ARSJ: variants seen among roughly 807,000 people sequenced by gnomAD.
The protein encoded by ARSJ is arylsulfatase J.
In ARSJ, 26 loss-of-function variants were observed where a neutral mutation model predicts 35.9. The ratio of observed to expected loss-of-function variants is 0.72; its 90% CI spans 0.53 to 1.00. The LOEUF (loss-of-function observed/expected upper bound fraction) is 1.00, where lower values mean the gene tolerates loss of function less well. ARSJ is among the 50% of genes least tolerant of loss of function. The probability of loss-of-function intolerance (pLI) is 0.00; values close to 1 mark genes in which losing one functional copy is unlikely to be tolerated. For synonymous variants in ARSJ, 294 were observed against 267.6 expected (o/e 1.10, Z -0.96); for missense variants, 667 against 723.6 (o/e 0.92, Z 0.90).
intron 1 of ARSJ, among the ~76,000 whole-genome samples, chr4:113,906,312 CAACAGGAAAAGAGGCTTATG>C (rs2099668726): frequency 6.6e-6 from 1 of 151,914 alleles, no homozygotes; most frequent in Non-Finnish European, 1.5e-5. Context: ...TTGGCAAAGG[CAACAGGAAAAGAGGCTTATG>C]AAAAACATAA....
At chr4:113,919,835 G>T (rs1723552794) in intron 1 of ARSJ, among the ~76,000 whole-genome samples, 1 of 152,170 alleles carries the variant, frequency 6.6e-6, no homozygotes, top group Non-Finnish European at 1.5e-5. Flanking sequence ...CCTGAAAGAT[G>T]CGTAAATGCA....
At chr4:113,966,239 G>C (rs1309140405) in intron 1 of ARSJ, among the ~76,000 whole-genome samples, 2 of 152,008 alleles carry the variant, frequency 1.3e-5, no homozygotes, top group Non-Finnish European at 2.9e-5. Flanking sequence ...TTTTTGCTAG[G>C]TAGAAGTGCA....
chr4:113,969,990 A>T (rs1466561632), intron 1 of ARSJ, among the ~76,000 whole-genome samples: 2 of 152,206 alleles, frequency 1.3e-5, no homozygotes, highest in South Asian at 2.1e-4. Context: ...TACAGAAAGG[A>T]GTAAGAAAGC....
At chr4:113,961,252 T>C (rs1278726099) in intron 1 of ARSJ, among the ~76,000 whole-genome samples, 1 of 152,070 alleles carries the variant, frequency 6.6e-6, no homozygotes, top group Non-Finnish European at 1.5e-5. Context: ...AGATTTAAAA[T>C]AAAGGGGCTT....
intron 1 of ARSJ, among the ~76,000 whole-genome samples, chr4:113,963,315 G>C (rs1218093711): frequency 2.0e-5 from 3 of 152,042 alleles, no homozygotes; most frequent in African/African-American, 7.2e-5. Flanking sequence ...AGTTTATAAA[G>C]GAAAGAGGTT....
At chr4:113,938,499 A>C (rs1724914476) in intron 1 of ARSJ, among the ~76,000 whole-genome samples, 1 of 152,100 alleles carries the variant, frequency 6.6e-6, no homozygotes, top group Admixed American at 6.6e-5. Flanking sequence ...CATGATGAAA[A>C]CATCAAAAAC....
intron 1 of ARSJ, among the ~76,000 whole-genome samples, chr4:113,971,317 A>G (rs975963451): frequency 6.6e-6 from 1 of 152,218 alleles, no homozygotes; most frequent in Non-Finnish European, 1.5e-5. Context: ...AAGAGTTGTC[A>G]TTTGGATGAC....
At chr4:113,924,264 C>T (rs1383613111) in intron 1 of ARSJ, among the ~76,000 whole-genome samples, 1 of 151,436 alleles carries the variant, frequency 6.6e-6, no homozygotes, top group Non-Finnish European at 1.5e-5. Context: ...AAGCAGCCAG[C>T]ATGGGAAAAA....
intron 1 of ARSJ, among the ~76,000 whole-genome samples, chr4:113,942,020 A>T (rs1029425243): frequency 6.6e-6 from 1 of 151,932 alleles, no homozygotes; most frequent in Non-Finnish European, 1.5e-5. Context: ...GACTGTTTAG[A>T]ATGTTAAGAT....
chr4:113,903,288 A>G lies in ARSJ; in HGVS notation c.786T>C (p.Tyr262=), dbSNP rs760386189. ...GTGAATGAACAGCTTGATAGGCAATATATAAAAATATAGGCTTTGTGGGGT... is the reference window on the plus strand; with the variant it reads ...GTGAATGAACAGCTTGATAGGCAATGTATAAAAATATAGGCTTTGTGGGGT... ...SHNPTKPIFL[Y]IAYQAVHSPL... The change falls in exon 2 of 2, where the codon TAT becomes TAC. Residue 262 remains tyrosine, a synonymous_variant. Coordinates refer to ENST00000315366, the MANE Select transcript of ARSJ (RefSeq NM_024590.4). 4 of 1,614,178 alleles carry G rather than the reference A, an allele frequency of 2.5e-6. No individual in the cohort carries two copies. Among genetic ancestry groups the G allele is most frequent in the South Asian group, 2.2e-5 (2 of 91,082 alleles).
chr4:113,964,020 G>A (rs898101285), intron 1 of ARSJ, among the ~76,000 whole-genome samples: 2 of 151,834 alleles, frequency 1.3e-5, no homozygotes, highest in Non-Finnish European at 2.9e-5. Flanking sequence ...ATCATTCAGA[G>A]ACACAGTGGA....
intron 1 of ARSJ, among the ~76,000 whole-genome samples, chr4:113,948,079 C>T (rs971608773): frequency 2.6e-5 from 4 of 152,006 alleles, no homozygotes; most frequent in Non-Finnish European, 4.4e-5. Context: ...GTTCCAGCTA[C>T]TTGGGAGGCT....
At chr4:113,965,296 T>G (rs897128420) in intron 1 of ARSJ, among the ~76,000 whole-genome samples, 1 of 152,148 alleles carries the variant, frequency 6.6e-6, no homozygotes, top group African/African-American at 2.4e-5. Flanking sequence ...TATGTCTACT[T>G]AGCCTGCTGT....
At chr4:113,940,886 T>C (rs972001904) in intron 1 of ARSJ, among the ~76,000 whole-genome samples, 2 of 151,998 alleles carry the variant, frequency 1.3e-5, no homozygotes, top group Non-Finnish European at 2.9e-5. Flanking sequence ...TTAAGGCAAA[T>C]TACTCTTAGG....
At chr4:113,945,859 T>C (rs947252096) in intron 1 of ARSJ, among the ~76,000 whole-genome samples, 1 of 152,054 alleles carries the variant, frequency 6.6e-6, no homozygotes, top group South Asian at 2.1e-4. Flanking sequence ...CCCAAGTAAT[T>C]CCACACAACT....
chr4:113,973,879 A>T (rs1727430474), intron 1 of ARSJ, among the ~76,000 whole-genome samples: 1 of 152,188 alleles, frequency 6.6e-6, no homozygotes, highest in Admixed American at 6.6e-5. Context: ...TACATTCAAG[A>T]TATTAATATT....
chr4:113,924,359 C>T (rs1723919726), intron 1 of ARSJ, among the ~76,000 whole-genome samples: 1 of 151,772 alleles, frequency 6.6e-6, no homozygotes. Flanking sequence ...TTAGATGGTG[C>T]CCACCAGATT....
intron 1 of ARSJ, among the ~76,000 whole-genome samples, chr4:113,959,806 G>T (rs1048390916): frequency 6.6e-6 from 1 of 152,032 alleles, no homozygotes. Context: ...CTGAAAAATG[G>T]AATGAAAGTA....
chr4:113,906,772 T>C (rs1422677258), intron 1 of ARSJ: 6 of 455,806 alleles, frequency 1.3e-5, no homozygotes, highest in Non-Finnish European at 2.2e-5. Context: ...ATAATACATA[T>C]TGGGTTGCTG....
Sources: allele counts gnomAD v4.1 joint callset (sites outside exome capture counted in the v4.1 genomes callset), GRCh38; gene constraint gnomAD v4.1.1; transcripts MANE v1.5; gene names NCBI Gene and HGNC (gene_info 2026-07-23, HGNC 2026-07-21).